The following GNG5 variants were observed in gnomAD, a reference collection of about 807,000 sequenced individuals.
GNG5 encodes G protein subunit gamma 5, also known as guanine nucleotide-binding protein G(I)/G(S)/G(O) subunit gamma-5.
Under a neutral mutation model 6.2 loss-of-function variants are expected in GNG5, and 2 were observed. That is an observed-to-expected ratio of 0.32 (90% CI 0.13 to 1.01). The LOEUF (loss-of-function observed/expected upper bound fraction) is 1.01, where lower values mean the gene tolerates loss of function less well. GNG5 is among the 50% of genes least tolerant of loss of function. The pLI is 0.48. For missense variants in GNG5, 57 were observed against 80.2 expected (o/e 0.71, Z 1.10); for synonymous variants, 24 against 33.0 (o/e 0.73, Z 0.93).
chr1:84,498,955 C>G (rs1681997585), intron 3 of GNG5, among the ~76,000 whole-genome samples: 2 of 152,106 alleles, frequency 1.3e-5, no homozygotes, highest in African/African-American at 4.8e-5. Flanking sequence ...TACAAGGATA[C>G]TGACTGTATT....
chr1:84,501,325 T>C (rs899324145), intron 3 of GNG5, among the ~76,000 whole-genome samples: 1 of 152,232 alleles, frequency 6.6e-6, no homozygotes, highest in African/African-American at 2.4e-5. Context: ...TGACTTTCTC[T>C]TGCATTTCCA....
chr1:84,500,441 G>T (rs1320731614), intron 3 of GNG5, among the ~76,000 whole-genome samples: 1 of 151,978 alleles, frequency 6.6e-6, no homozygotes, highest in Non-Finnish European at 1.5e-5. Context: ...AGATTCCTAT[G>T]AAGTAAAACT....
intron 2 of GNG5, among the ~76,000 whole-genome samples, chr1:84,505,780 C>G (rs1036889368): frequency 1.3e-5 from 2 of 152,208 alleles, no homozygotes; most frequent in Admixed American, 6.5e-5. Context: ...CAGCCCGCCT[C>G]GGAAAGTCCT....
chr1:84,501,837 T>C lies in GNG5; in HGVS notation c.*8A>G. Reference sequence around the variant, plus strand: ...TTAAGGAAACTTACCTTTGAAAGATTCATTTTACTACAAAAAGGAACAGAC... The same window carrying C: ...TTAAGGAAACTTACCTTTGAAAGATCCATTTTACTACAAAAAGGAACAGAC... On this transcript the variant is annotated 3_prime_UTR_variant, in exon 3 of 4. Transcript: ENST00000370645. 6.2e-7 allele frequency: 1 copy of C among 1,605,342 alleles called. No homozygotes were observed. Among genetic ancestry groups the C allele is most frequent in the Non-Finnish European group, 8.5e-7 (1 of 1,173,082 alleles).
chr1:84,504,113 T>TCAAG (rs1682109543), intron 2 of GNG5, among the ~76,000 whole-genome samples: 1 of 152,204 alleles, frequency 6.6e-6, no homozygotes, highest in Admixed American at 6.5e-5. Flanking sequence ...TGACAGTTTG[T>TCAAG]CAAGCACTTA....
Position 84,506,205 on chromosome 1 carries a change from A to C in GNG5, c.-114T>G. 1.3e-6 allele frequency: 1 copy of C among 774,084 alleles called. No individual in the cohort carries two copies. Among genetic ancestry groups the C allele is most frequent in the Non-Finnish European group, 1.9e-6 (1 of 518,710 alleles). 48.0% of individuals were successfully genotyped at this position (774,084 alleles called of 1,614,324 possible). ...GGGCGGGGCTCCGAACTTTGTCTCT[A>C]AGTTTCCGGTTCTGTGCTCAGCGGC... On this transcript the variant is annotated 5_prime_UTR_variant, in exon 2 of 4. It introduces an in-frame stop codon into an upstream open reading frame of the 5' UTR. Transcript: ENST00000370645.
intron 2 of GNG5, among the ~76,000 whole-genome samples, chr1:84,502,324 G>C (rs1359433658): frequency 6.6e-6 from 1 of 151,654 alleles, no homozygotes; most frequent in Non-Finnish European, 1.5e-5. Context: ...AGTAGAGACG[G>C]GGTTTCACCG....
At chr1:84,499,794 C>CA (rs931959149) in intron 3 of GNG5, among the ~76,000 whole-genome samples, 15 of 151,514 alleles carry the variant, frequency 9.9e-5, no homozygotes, top group East Asian at 3.9e-4. Context: ...GCTGGAATCT[C>CA]AAAAAAAATA....
intron 3 of GNG5, among the ~76,000 whole-genome samples, chr1:84,501,358 C>T (rs1281078122): frequency 6.6e-6 from 1 of 152,230 alleles, no homozygotes; most frequent in Admixed American, 6.5e-5. Context: ...TGCTATACTG[C>T]TCTACAGCTG....
Position 84,505,947 on chromosome 1 carries a change from G to A in GNG5, c.81+64C>T, listed in dbSNP as rs1682195035. Reference sequence around the variant, plus strand: ...CGTGTCCCGCCCGCCCCCGCCAGCTGGGCCGCCGGATCCCACCCGCCGCCG... The same window carrying A: ...CGTGTCCCGCCCGCCCCCGCCAGCTAGGCCGCCGGATCCCACCCGCCGCCG... On this transcript the variant is annotated intron_variant, in intron 2 of 3. Transcript: ENST00000370645. 1.2e-5 allele frequency: 14 copies of A among 1,142,108 alleles called. No individual in the cohort carries two copies. The South Asian group carries it at 2.5e-4, about 20-fold the overall frequency. 70.7% of individuals were successfully genotyped at this position (1,142,108 alleles called of 1,614,324 possible). A position where few individuals can be genotyped will look rare whatever the true frequency, so the allele number is the denominator to read the frequency against.
Position 84,502,076 on chromosome 1 carries a change from T to G in GNG5, c.82-106A>C, listed in dbSNP as rs979309010. 3.7e-5 allele frequency: 28 copies of G among 750,450 alleles called. No individual in the cohort carries two copies. In the Middle Eastern group the frequency reaches 7.2e-4, roughly 19 times the overall value. The allele number at this position is 750,450 out of a possible 1,614,324, so 46.5% of individuals were successfully genotyped here. On this transcript the variant is annotated intron_variant, in intron 2 of 3. Transcript: ENST00000370645. ...TACTTACAATAAAACAGTACTTCTC[T>G]TGCTTCAAAAGAAGATACTATATAA...
chr1:84,501,767 A>C, intron 3 of GNG5, 59 bp downstream of exon 3: 3 of 1,022,962 alleles, frequency 2.9e-6, no homozygotes, highest in Non-Finnish European at 4.6e-6. Context: ...GCTGCAAAGA[A>C]AGAGAAGACT....
chr1:84,506,146 C>G lies in GNG5; in HGVS notation c.-55G>C. On this transcript the variant is annotated 5_prime_UTR_variant, in exon 2 of 4. Coordinates refer to ENST00000370645, the MANE Select transcript of GNG5 (RefSeq NM_005274.3). ...GGTCGGTGGGTCGTGGGCCGTGGGT[C>G]GGCGGGGCCAGACAACTCAGCGGCG... The G allele has an allele frequency of 6.8e-7, 1 of 1,477,850 alleles. No individual in the cohort carries two copies. Among genetic ancestry groups the G allele is most frequent in the Non-Finnish European group, 9.2e-7 (1 of 1,089,600 alleles). The allele number at this position is 1,477,850 out of a possible 1,614,324, so 91.5% of individuals were successfully genotyped here.
chr1:84,504,166 T>A (rs1682111036), intron 2 of GNG5, among the ~76,000 whole-genome samples: 1 of 152,196 alleles, frequency 6.6e-6, no homozygotes, highest in East Asian at 1.9e-4. Flanking sequence ...AGGTTAAAAG[T>A]AAGATTGTGC....
At chr1:84,504,714 CTG>C (rs1387533226) in intron 2 of GNG5, among the ~76,000 whole-genome samples, 1 of 151,806 alleles carries the variant, frequency 6.6e-6, no homozygotes, top group Non-Finnish European at 1.5e-5. Context: ...GGATTCCAAA[CTG>C]CAGTGAGGTC....
chr1:84,498,573 GGTGA>G (rs1681987981), intron 3 of GNG5, 25 bp from the exon 4 acceptor site: 2 of 150,282 alleles, frequency 1.3e-5, no homozygotes, highest in Non-Finnish European at 3.0e-5. Context: ...AAAAAAAAAA[GGTGA>G]GTTAGGGTAA....
At position 84,506,155 on chromosome 1, in the gene GNG5, C is replaced by G; in HGVS notation, c.-64G>C. 1 of 1,382,322 alleles carries G rather than the reference C, an allele frequency of 7.2e-7. No homozygotes were observed. The allele number at this position is 1,382,322 out of a possible 1,614,324, so 85.6% of individuals were successfully genotyped here. ...GTCGTGGGCCGTGGGTCGGCGGGGCCAGACAACTCAGCGGCGCGCGGCGGG... is the reference window on the plus strand; with the variant it reads ...GTCGTGGGCCGTGGGTCGGCGGGGCGAGACAACTCAGCGGCGCGCGGCGGG... On this transcript the variant is annotated 5_prime_UTR_variant, in exon 2 of 4. Coordinates refer to ENST00000370645, the MANE Select transcript of GNG5 (RefSeq NM_005274.3).
At chr1:84,500,540 A>G (rs1558550979) in intron 3 of GNG5, among the ~76,000 whole-genome samples, 1 of 152,244 alleles carries the variant, frequency 6.6e-6, no homozygotes, top group Non-Finnish European at 1.5e-5. Flanking sequence ...AATCATTAAT[A>G]AACCATAAAA....
chr1:84,501,855 G>A lies in GNG5; in HGVS notation c.197C>T (p.Ser66Phe). The change falls in exon 3 of 4, where the codon TCC (serine) becomes TTC (phenylalanine). Residue 66 changes from serine to phenylalanine, a missense_variant. By Grantham distance (155) the Ser-to-Phe change is radical (BLOSUM62 -2). Transcript: ENST00000370645. ...TNPFRPQKVC[S>F]FL Reference sequence around the variant, plus strand: ...GAAAGATTCATTTTACTACAAAAAGGAACAGACTTTCTGGGGTCTGAAGGG... The same window carrying A: ...GAAAGATTCATTTTACTACAAAAAGAAACAGACTTTCTGGGGTCTGAAGGG... 1 of 1,609,974 alleles carries A rather than the reference G, an allele frequency of 6.2e-7. No homozygotes were observed. The highest frequency in any genetic ancestry group is 8.5e-7 in the Non-Finnish European group (1 of 1,176,654).
Sources: gnomAD v4.1 joint callset for allele counts (sites outside exome capture counted in the v4.1 genomes callset) on GRCh38, gnomAD v4.1.1 for gene constraint, MANE v1.5 for transcripts, NCBI Gene and HGNC (gene_info 2026-07-23, HGNC 2026-07-21) for gene names.